Variants in RBFOX3 observed in about 807,000 individuals in gnomAD.
RBFOX3 encodes RNA binding fox-1 homolog 3, also known as RNA binding protein fox-1 homolog 3.
Under a neutral mutation model 48.7 loss-of-function variants are expected in RBFOX3, and 17 were observed. That is an observed-to-expected ratio of 0.35 (90% CI 0.24 to 0.52). The LOEUF is 0.52. Ranked by LOEUF, RBFOX3 falls within the 20% of genes least tolerant of loss-of-function variation. The pLI is 0.94. For synonymous variants in RBFOX3, 212 were observed against 209.5 expected, an observed-to-expected ratio of 1.01 and a Z score of -0.10; for missense variants, 382 against 497.5, an observed-to-expected ratio of 0.77 and a Z score of 2.21.
At chr17:79,534,437 G>A (rs2088353867) in intron 1 of RBFOX3, among the ~76,000 whole-genome samples, 1 of 152,174 alleles carries the variant, frequency 6.6e-6, no homozygotes, top group Non-Finnish European at 1.5e-5. Flanking sequence ...CGAATCCAAG[G>A]GGATCCCACA....
the RBFOX3 span, among the ~76,000 whole-genome samples, chr17:79,622,663 T>C: frequency 1.3e-5 from 2 of 152,154 alleles, no homozygotes; most frequent in African/African-American, 2.4e-5. Flanking sequence ...GCCTGCATTC[T>C]ACATTCCCTC....
At chr17:79,108,280 G>A (rs201618427) in intron 5 of RBFOX3, among the ~76,000 whole-genome samples, 6 of 152,206 alleles carry the variant, frequency 3.9e-5, no homozygotes, top group Middle Eastern at 3.2e-3. Flanking sequence ...AGGCCTACAC[G>A]GCAGCCGGTA....
chr17:79,579,460 A>G (rs1160862649), intron 1 of RBFOX3, among the ~76,000 whole-genome samples: 1 of 152,146 alleles, frequency 6.6e-6, no homozygotes, highest in African/African-American at 2.4e-5. Context: ...TGTCTTGCAG[A>G]CCATCTCCAC....
At chr17:79,654,911 G>A in the RBFOX3 span, among the ~76,000 whole-genome samples, 139 of 152,268 alleles carry the variant, frequency 9.1e-4, no homozygotes, top group South Asian at 2.1e-4. Context: ...CGAGCCTACC[G>A]TCTAAGGACT....
intron 1 of RBFOX3, among the ~76,000 whole-genome samples, chr17:79,490,263 T>TTATTCAACG (rs2080294510): frequency 6.6e-6 from 1 of 152,236 alleles, no homozygotes; most frequent in African/African-American, 2.4e-5. Context: ...AAATGTTACA[T>TTATTCAACG]TATTCAACGT....
intron 4 of RBFOX3, among the ~76,000 whole-genome samples, chr17:79,131,039 C>T (rs1405498152): frequency 6.6e-6 from 1 of 151,680 alleles, no homozygotes; most frequent in Non-Finnish European, 1.5e-5. Context: ...GTGCTGTGCC[C>T]CCATGTACTT....
chr17:79,570,497 G>A (rs902754993), intron 1 of RBFOX3, among the ~76,000 whole-genome samples: 36 of 152,198 alleles, frequency 2.4e-4, no homozygotes, highest in African/African-American at 4.1e-4. Context: ...TCACAGCCAC[G>A]TTGCTCCTCC....
At chr17:79,287,096 C>A (rs2072108743) in intron 3 of RBFOX3, among the ~76,000 whole-genome samples, 1 of 152,260 alleles carries the variant, frequency 6.6e-6, no homozygotes, top group Non-Finnish European at 1.5e-5. Flanking sequence ...ACCCAGAGGA[C>A]AACTTGCTGT....
rs1401940240 is a variant in RBFOX3, at chr17:79,482,981, C to A, written c.-319-383G>T. ...TACCGCCCGCTCTTGCTTCCTCCCC[C>A]ACCCAGCCTAGATTCCAGGACCCAC... On this transcript the variant is annotated intron_variant, in intron 1 of 14. Coordinates refer to ENST00000693108, the MANE Select transcript of RBFOX3 (RefSeq NM_001350451.2). The surrounding 1 kb of genome is among the most constrained non-coding windows in gnomAD (Gnocchi z 4.1). 1.3e-5 allele frequency among the ~76,000 whole-genome samples: 2 copies of A among 152,006 alleles called. No homozygotes were observed. Among genetic ancestry groups the A allele is most frequent in the African/African-American group, 2.4e-5 (1 of 41,358 alleles).
intron 2 of RBFOX3, among the ~76,000 whole-genome samples, chr17:79,357,496 T>C (rs558400757): frequency 3.3e-5 from 5 of 152,234 alleles, no homozygotes; most frequent in South Asian, 2.1e-4. Flanking sequence ...CTGGGTGTGG[T>C]GGCGCACGCC....
chr17:79,656,774 GAAGGAA>G, the RBFOX3 span, among the ~76,000 whole-genome samples: 37 of 29,216 alleles, frequency 1.3e-3, no homozygotes, highest in Middle Eastern at 0.022. Flanking sequence ...AGGAAGGAAG[GAAGGAA>G]AGAAAGAAAG....
At chr17:79,546,289 G>C (rs572457435) in intron 1 of RBFOX3, among the ~76,000 whole-genome samples, 4 of 152,256 alleles carry the variant, frequency 2.6e-5, no homozygotes, top group African/African-American at 9.6e-5. Context: ...ACCCCAGAAA[G>C]GAAGCACAGG....
chr17:79,403,598 C>T (rs1050435235), intron 2 of RBFOX3, among the ~76,000 whole-genome samples: 2 of 152,174 alleles, frequency 1.3e-5, no homozygotes, highest in Admixed American at 1.3e-4. Flanking sequence ...GTGGTGGGAA[C>T]GTCCCGGACA....
chr17:79,457,297 C>T (rs1555745627), intron 2 of RBFOX3, among the ~76,000 whole-genome samples: 1 of 152,232 alleles, frequency 6.6e-6, no homozygotes, highest in Non-Finnish European at 1.5e-5. Flanking sequence ...AGACACAGGA[C>T]ACAGGCTGGA....
chr17:79,382,170 G>A (rs2060006038), intron 2 of RBFOX3, among the ~76,000 whole-genome samples: 1 of 152,194 alleles, frequency 6.6e-6, no homozygotes, highest in Admixed American at 6.5e-5. Context: ...AGTTTCTCTG[G>A]GGCTCTTGTG....
chr17:79,515,295 G>T (rs918258066), intron 1 of RBFOX3, among the ~76,000 whole-genome samples: 1 of 152,162 alleles, frequency 6.6e-6, no homozygotes, highest in African/African-American at 2.4e-5. Context: ...GCCCCTGGGG[G>T]TGTGCAGTGC....
chr17:79,587,093 T>A (rs1215211623), intron 1 of RBFOX3, among the ~76,000 whole-genome samples: 1 of 152,192 alleles, frequency 6.6e-6, no homozygotes, highest in Non-Finnish European at 1.5e-5. Flanking sequence ...AAGAAGTCTG[T>A]AGCCAGAGTA....
the RBFOX3 span, among the ~76,000 whole-genome samples, chr17:79,664,226 G>A: frequency 6.6e-6 from 1 of 151,578 alleles, no homozygotes; most frequent in Admixed American, 6.6e-5. Flanking sequence ...CCAGGCTAGA[G>A]TGCAGTGGCG....
chr17:79,096,620 T>TCCCC, intron 12 of RBFOX3, 33 bp downstream of exon 12: 7 of 1,502,342 alleles, frequency 4.7e-6, no homozygotes, highest in Middle Eastern at 1.9e-4. Flanking sequence ...GAACGCCTGA[T>TCCCC]CCCACCCTCC....
Sources: gnomAD v4.1 joint callset for allele counts (sites outside exome capture counted in the v4.1 genomes callset) on GRCh38, gnomAD v4.1.1 for gene constraint, Gnocchi (gnomAD v3.1) non-coding constraint, MANE v1.5 for transcripts, NCBI Gene and HGNC (gene_info 2026-07-23, HGNC 2026-07-21) for gene names.